TMPRSS13: variants seen among roughly 807,000 people sequenced by gnomAD.
TMPRSS13 encodes transmembrane serine protease 13.
Under a neutral mutation model 68.4 loss-of-function variants are expected in TMPRSS13, and 50 were observed. The ratio of observed to expected loss-of-function variants is 0.73; its 90% CI spans 0.58 to 0.93. The LOEUF (loss-of-function observed/expected upper bound fraction) is 0.93, where lower values mean the gene tolerates loss of function less well. TMPRSS13 is among the 40% of genes least tolerant of loss of function. The probability of loss-of-function intolerance (pLI) is 0.00; values close to 1 mark genes in which losing one functional copy is unlikely to be tolerated. For missense variants in TMPRSS13, 615 were observed against 729.2 expected (o/e 0.84, Z 1.80); for synonymous variants, 267 against 285.8 (o/e 0.93, Z 0.66).
chr11:117,918,432 G>A lies in TMPRSS13; in HGVS notation c.428C>T (p.Thr143Ile). Residue 143 changes from threonine (T) to isoleucine (I), a missense_variant, in exon 2 of 13, where the codon ACC becomes ATC. Physicochemically the swap from Thr to Ile is moderately conservative, Grantham distance 89. Coordinates refer to ENST00000524993, the MANE Select transcript of TMPRSS13 (RefSeq NM_001077263.3). ...ACCTGGGCTCTCCCTGGTGGCCCTG[G>A]TTGCTGGTGCTGACCTGGCAGGAGA... ...RSSPARSAPA[T>I]RATRESPGTS... The A allele has an allele frequency of 1.9e-6, 3 of 1,613,670 alleles. No homozygotes were observed. The African/African-American group carries it at 4.0e-5, about 22-fold the overall frequency.
intron 12 of TMPRSS13, chr11:117,903,419 C>T (rs1440496795): frequency 6.5e-7 from 1 of 1,536,054 alleles, no homozygotes; most frequent in Non-Finnish European, 8.7e-7. Context: ...CCTGCCTGGC[C>T]TGTAGGTCCA....
rs762203236 is a variant in TMPRSS13, at chr11:117,917,155, C to T, written c.556+15G>A. The stretch of plus-strand genomic sequence containing the variant: ...AGTGCCCAGAACCCACCCCTGCACC[C>T]TCCATTCAACTCACAGAGGATGATG... On this transcript the variant is annotated intron_variant, in intron 3 of 12. Coordinates refer to ENST00000524993, the MANE Select transcript of TMPRSS13 (RefSeq NM_001077263.3). 2 of 1,607,106 alleles carry T rather than the reference C, an allele frequency of 1.2e-6. No homozygotes were observed. Among genetic ancestry groups the T allele is most frequent in the South Asian group, 1.1e-5 (1 of 90,922 alleles).
chr11:117,903,938 C>T, intron 11 of TMPRSS13, 21 bp downstream of exon 11: 4 of 1,608,600 alleles, frequency 2.5e-6, no homozygotes, highest in Non-Finnish European at 3.4e-6. Flanking sequence ...GGACCTGAGC[C>T]CCACCCACAG....
At chr11:117,902,580 CA>C (rs1470023141) in intron 12 of TMPRSS13, among the ~76,000 whole-genome samples, 1 of 152,202 alleles carries the variant, frequency 6.6e-6, no homozygotes, top group African/African-American at 2.4e-5. Context: ...TCAACTAGGT[CA>C]GCAGAGTTGC....
chr11:117,908,124 A>G, intron 9 of TMPRSS13: 1 of 1,039,250 alleles, frequency 9.6e-7, no homozygotes, highest in Non-Finnish European at 1.2e-6. Context: ...AATCAGATCG[A>G]CCTGGTTCCA....
rs376978742 is a variant in TMPRSS13, at chr11:117,904,125, G to A, written c.1382-24C>T. ...GTCTTCAGTGAAGTGGGGTGGAGGA[G>A]ACAGAGGATGGGAAGCCAGTGAGAT... is the stretch of plus-strand genomic sequence containing the variant. On this transcript the variant is annotated intron_variant, in intron 10 of 12. Coordinates refer to ENST00000524993, the MANE Select transcript of TMPRSS13 (RefSeq NM_001077263.3). 1.8e-5 allele frequency: 29 copies of A among 1,610,608 alleles called. No individual in the cohort carries two copies. The African/African-American group carries it at 3.5e-4, about 19-fold the overall frequency.
At chr11:117,928,161 G>T (rs2057724408) in intron 1 of TMPRSS13, among the ~76,000 whole-genome samples, 1 of 152,198 alleles carries the variant, frequency 6.6e-6, no homozygotes, top group Non-Finnish European at 1.5e-5. Context: ...GTGACTAAGG[G>T]TTCACCTTCT....
chr11:117,926,029 G>C (rs1176473431), intron 1 of TMPRSS13, among the ~76,000 whole-genome samples: 1 of 151,770 alleles, frequency 6.6e-6, no homozygotes, highest in Non-Finnish European at 1.5e-5. Flanking sequence ...CAGGGTCCTT[G>C]GAGGACGAGG....
chr11:117,914,951 A>G lies in TMPRSS13; in HGVS notation c.557-437T>C, dbSNP rs1471627443. 6.6e-6 allele frequency among the ~76,000 whole-genome samples: 1 copy of G among 151,998 alleles called. No individual in the cohort carries two copies. Among genetic ancestry groups the G allele is most frequent in the African/African-American group, 2.4e-5 (1 of 41,352 alleles). ...ACAGCAGATAAATTTCTGTCCTCAC[A>G]GTCACACAGGCAACCACCGTCTGTC... On this transcript the variant is annotated intron_variant, in intron 3 of 12. Transcript: ENST00000524993. The surrounding 1 kb of genome is among the most constrained non-coding windows in gnomAD (Gnocchi z 4.2).
rs767657393 is a variant in TMPRSS13, at chr11:117,917,240, G to A, written c.486C>T (p.Gly162=). 6.2e-7 allele frequency: 1 copy of A among 1,612,810 alleles called. No individual in the cohort carries two copies. Among genetic ancestry groups the A allele is most frequent in the East Asian group, 2.2e-5 (1 of 44,882 alleles). The change falls in exon 3 of 13, where the codon GGC becomes GGT. Residue 162 remains glycine, a synonymous_variant. Coordinates refer to ENST00000524993, the MANE Select transcript of TMPRSS13 (RefSeq NM_001077263.3). The part of the protein sequence containing the change: ...TSLPKFTWRE[G]QKQLPLIGCV... Reference sequence around the variant, plus strand: ...ACCCGATGAGCGGTAGCTGCTTCTGGCCCTCCCGCCAGGTGAACTTGGGCA... The same window carrying A: ...ACCCGATGAGCGGTAGCTGCTTCTGACCCTCCCGCCAGGTGAACTTGGGCA...
intron 1 of TMPRSS13, 102 bp from the exon 2 acceptor site, chr11:117,918,940 TA>T: frequency 6.6e-7 from 1 of 1,507,814 alleles, no homozygotes; most frequent in Non-Finnish European, 8.9e-7. Context: ...GGGCAGCAGC[TA>T]GGGGTTGAGC....
Position 117,901,879 on chromosome 11 carries a change from C to T in TMPRSS13, c.*360G>A. On this transcript the variant is annotated 3_prime_UTR_variant, in exon 13 of 13. Transcript: ENST00000524993. ...ACTGGGCTAGTCTGTAAGTGAGGGT[C>T]AGAGAAGCAAGAATTCCCAGCTCTT... The T allele has an allele frequency of 3.1e-6, 1 of 322,166 alleles. No homozygotes were observed. The highest frequency in any genetic ancestry group is 3.9e-5 in the South Asian group (1 of 25,702). The allele number at this position is 322,166 out of a possible 1,614,324, so 20.0% of individuals were successfully genotyped here. A position where few individuals can be genotyped will look rare whatever the true frequency, so the allele number is the denominator to read the frequency against.
intron 12 of TMPRSS13, chr11:117,902,892 A>C (rs1356558200): frequency 1.2e-6 from 1 of 855,906 alleles, no homozygotes; most frequent in Non-Finnish European, 1.4e-6. Context: ...GAGAGGGTGG[A>C]AGTGGGAGAG....
chr11:117,909,212 G>T (rs939653063), intron 8 of TMPRSS13, among the ~76,000 whole-genome samples: 81 of 152,286 alleles, frequency 5.3e-4, no homozygotes, highest in African/African-American at 1.9e-3. Flanking sequence ...CACCAGACAG[G>T]GTCAAGGGCT....
At chr11:117,913,934 G>T (rs1362215068) in intron 4 of TMPRSS13, 28 bp from the exon 5 acceptor site, 7 of 1,610,236 alleles carry the variant, frequency 4.3e-6, no homozygotes, top group Non-Finnish European at 5.9e-6. Context: ...GGCAGAGCAG[G>T]TCCTCAGCAC....
At chr11:117,910,522 G>A (rs2057511863) in intron 7 of TMPRSS13, 185 bp downstream of exon 7, 1 of 548,136 alleles carries the variant, frequency 1.8e-6, no homozygotes, top group Non-Finnish European at 3.2e-6. Context: ...GTCAGGAGAA[G>A]GGGAAATGTT....
chr11:117,920,045 G>T (rs2057627405), intron 1 of TMPRSS13, among the ~76,000 whole-genome samples: 1 of 152,162 alleles, frequency 6.6e-6, no homozygotes, highest in African/African-American at 2.4e-5. Flanking sequence ...ACCCATAGTG[G>T]GGCCCTGTGA....
rs762103818 is a variant in TMPRSS13 at position 117,917,222 on chromosome 11, G to T, written c.504C>A (p.Leu168=). ...CAATGAGGAGGAGCACGCACCCGATGAGCGGTAGCTGCTTCTGGCCCTCCC... is the reference window on the plus strand; with the variant it reads ...CAATGAGGAGGAGCACGCACCCGATTAGCGGTAGCTGCTTCTGGCCCTCCC... ...TWREGQKQLP[L]IGCVLLLIAL... The change falls in exon 3 of 13, where the codon CTC becomes CTA. Residue 168 remains leucine, a synonymous_variant. Coordinates refer to ENST00000524993, the MANE Select transcript of TMPRSS13 (RefSeq NM_001077263.3). The T allele has an allele frequency of 4.2e-5, 68 of 1,612,966 alleles. No individual in the cohort carries two copies. The highest frequency in any genetic ancestry group is 5.6e-5 in the Non-Finnish European group (66 of 1,180,034).
intron 1 of TMPRSS13, among the ~76,000 whole-genome samples, chr11:117,925,895 C>G (rs1216780322): frequency 1.3e-5 from 2 of 152,270 alleles, no homozygotes; most frequent in Non-Finnish European, 2.9e-5. Flanking sequence ...TCTGCCAAGT[C>G]TCAGGGGACA....
Sources: allele counts gnomAD v4.1 joint callset (sites outside exome capture counted in the v4.1 genomes callset), GRCh38; gene constraint gnomAD v4.1.1; non-coding constraint Gnocchi (gnomAD v3.1); transcripts MANE v1.5; gene names NCBI Gene and HGNC (gene_info 2026-07-23, HGNC 2026-07-21).